SETBP1: variants seen among roughly 807,000 people sequenced by gnomAD.
The protein encoded by SETBP1 is SET binding protein 1.
A neutral mutation model predicts 101.0 loss-of-function variants in SETBP1; 9 were observed. That is an observed-to-expected ratio of 0.09 (90% CI 0.05 to 0.16). SETBP1 has a LOEUF of 0.16. Among genes scored for constraint, SETBP1 ranks in the 10% least tolerant of loss-of-function variants. The pLI is 1.00. For missense variants in SETBP1, 1,858 were observed against 2,033.8 expected, an observed-to-expected ratio of 0.91 and a Z score of 1.66; for synonymous variants, 818 against 788.5, an observed-to-expected ratio of 1.04 and a Z score of -0.63.
intron 4 of SETBP1, among the ~76,000 whole-genome samples, chr18:44,954,904 T>A (rs1568239515): frequency 6.6e-6 from 1 of 152,212 alleles, no homozygotes; most frequent in Non-Finnish European, 1.5e-5. Context: ...TTCAGCATGA[T>A]GAAACTGATT....
At chr18:44,877,285 A>G in intron 3 of SETBP1, 1 of 696,584 alleles carries the variant, frequency 1.4e-6, no homozygotes, top group Non-Finnish European at 1.8e-6. Context: ...GTATTTTACC[A>G]AAGTTTCCAC....
intron 2 of SETBP1, among the ~76,000 whole-genome samples, chr18:44,758,416 TC>T (rs1304627777): frequency 6.6e-6 from 1 of 150,964 alleles, no homozygotes; most frequent in Non-Finnish European, 1.5e-5. Flanking sequence ...GGAGTCTCGC[TC>T]TGTTGCCCAG....
intron 2 of SETBP1, among the ~76,000 whole-genome samples, chr18:44,739,162 C>T (rs1053387663): frequency 6.6e-6 from 1 of 152,168 alleles, no homozygotes; most frequent in African/African-American, 2.4e-5. Context: ...CTTGTGAAAA[C>T]ATTTGGACCT....
intron 3 of SETBP1, among the ~76,000 whole-genome samples, chr18:44,901,776 T>A (rs2070051965): frequency 6.6e-6 from 1 of 152,232 alleles, no homozygotes. Flanking sequence ...CTGTAATAAT[T>A]GTGACTTGAC....
In SETBP1 at chr18:44,957,642, G is replaced by A. The variant is rs2071518450; in HGVS notation, c.4000+4302G>A. The stretch of plus-strand genomic sequence containing the variant: ...TGCCAACTCCTCTTATCAGCACTGT[G>A]GAAATTTGAGGAGGCAGTCTCTGCT... On this transcript the variant is annotated intron_variant, in intron 4 of 5. Transcript: ENST00000649279. Among the ~76,000 whole-genome samples the A allele has an allele frequency of 2.0e-5, 3 of 152,210 alleles. No individual in the cohort carries two copies. The South Asian group carries it at 6.2e-4, about 32-fold the overall frequency.
intron 2 of SETBP1, among the ~76,000 whole-genome samples, chr18:44,726,683 G>T (rs1445598036): frequency 1.3e-5 from 2 of 152,164 alleles, no homozygotes; most frequent in East Asian, 3.8e-4. Context: ...GATTCTAAGT[G>T]ACATGAACTT....
At chr18:44,869,575 G>T (rs768431947) in intron 3 of SETBP1, 5 of 419,916 alleles carry the variant, frequency 1.2e-5, no homozygotes, top group South Asian at 1.1e-4. Flanking sequence ...GCTTAGGAAA[G>T]GGTTAAACCA....
intron 3 of SETBP1, among the ~76,000 whole-genome samples, chr18:44,907,039 T>A (rs894041465): frequency 6.6e-6 from 1 of 152,192 alleles, no homozygotes; most frequent in Admixed American, 6.5e-5. Context: ...CTTTCTATAG[T>A]TCCTGGCAAC....
intron 3 of SETBP1, among the ~76,000 whole-genome samples, chr18:44,915,735 C>T (rs1375451265): frequency 1.3e-5 from 2 of 152,190 alleles, no homozygotes; most frequent in African/African-American, 2.4e-5. Flanking sequence ...AGTACAGGCA[C>T]CTGCTACGAC....
intron 4 of SETBP1, among the ~76,000 whole-genome samples, chr18:45,003,497 A>G (rs1229493208): frequency 6.6e-6 from 1 of 152,206 alleles, no homozygotes; most frequent in Non-Finnish European, 1.5e-5. Flanking sequence ...CAACACCATC[A>G]TGAACCAGCT....
At chr18:44,697,728 C>T (rs761694334) in intron 1 of SETBP1, among the ~76,000 whole-genome samples, 9 of 152,278 alleles carry the variant, frequency 5.9e-5, no homozygotes, top group Admixed American at 2.0e-4. Flanking sequence ...TATTTAGTGG[C>T]GAACTATACA....
intron 2 of SETBP1, among the ~76,000 whole-genome samples, chr18:44,820,436 G>A (rs1301846347): frequency 5.3e-5 from 8 of 152,136 alleles, no homozygotes; most frequent in Admixed American, 1.3e-4. Context: ...CTATGTGGGC[G>A]GGAACTGTGA....
intron 4 of SETBP1, among the ~76,000 whole-genome samples, chr18:45,022,494 T>A (rs917475215): frequency 6.6e-6 from 1 of 152,190 alleles, no homozygotes; most frequent in Non-Finnish European, 1.5e-5. Context: ...TAGTCATGGC[T>A]CTTACACCTG....
chr18:44,917,142 G>T (rs1178434954), intron 3 of SETBP1, among the ~76,000 whole-genome samples: 1 of 152,200 alleles, frequency 6.6e-6, no homozygotes, highest in East Asian at 1.9e-4. Context: ...TAGATATCAG[G>T]GAAAGGACAC....
At chr18:44,763,391 A>G (rs2070701233) in intron 2 of SETBP1, among the ~76,000 whole-genome samples, 1 of 152,210 alleles carries the variant, frequency 6.6e-6, no homozygotes, top group Admixed American at 6.5e-5. Flanking sequence ...CCTCTACAAT[A>G]AGAAAAGGTA....
At position 44,965,295 on chromosome 18, in the gene SETBP1, A is replaced by ACACACACACACACG. The variant is rs1490690574; in HGVS notation, c.4000+11968_4000+11969insGCACACACACACAC. Reference sequence around the variant, plus strand: ...GACACATGCACACAAACACACACACACACACACACACACACACAGATCACT... The same window carrying ACACACACACACACG: ...GACACATGCACACAAACACACACACACACACACACACACGCACACACACACACACACAGATCACT... On this transcript the variant is annotated intron_variant, in intron 4 of 5. Coordinates refer to ENST00000649279, the MANE Select transcript of SETBP1 (RefSeq NM_015559.3). Among the ~76,000 whole-genome samples, 7 of 151,536 alleles carry ACACACACACACACG rather than the reference A, an allele frequency of 4.6e-5. No homozygotes were observed. The East Asian group carries it at 1.2e-3, about 25-fold the overall frequency.
chr18:44,756,848 G>A (rs1040108047), intron 2 of SETBP1, among the ~76,000 whole-genome samples: 6 of 152,130 alleles, frequency 3.9e-5, no homozygotes, highest in African/African-American at 1.4e-4. Context: ...ACCCCTCTAT[G>A]TGGGGAGAAT....
intron 4 of SETBP1, among the ~76,000 whole-genome samples, chr18:45,038,010 T>C (rs1345402067): frequency 6.6e-6 from 1 of 152,128 alleles, no homozygotes; most frequent in Non-Finnish European, 1.5e-5. Context: ...CCCAAACACC[T>C]AGGATAAGTA....
At chr18:44,928,181 T>C (rs1326645640) in intron 3 of SETBP1, among the ~76,000 whole-genome samples, 4 of 152,194 alleles carry the variant, frequency 2.6e-5, no homozygotes, top group African/African-American at 9.7e-5. Context: ...CATGCGGTGT[T>C]TGGTTTTCTG....
Sources: gnomAD v4.1 joint callset for allele counts (sites outside exome capture counted in the v4.1 genomes callset) on GRCh38, gnomAD v4.1.1 for gene constraint, MANE v1.5 for transcripts, NCBI Gene and HGNC (gene_info 2026-07-23, HGNC 2026-07-21) for gene names.